LRMDA: variants seen among roughly 807,000 people sequenced by gnomAD.
The protein encoded by LRMDA is leucine-rich melanocyte differentiation-associated protein.
A neutral mutation model predicts 29.8 loss-of-function variants in LRMDA; 18 were observed. That is an observed-to-expected ratio of 0.60 (90% CI 0.42 to 0.90). The LOEUF is 0.90. LRMDA is among the 40% of genes least tolerant of loss of function. LRMDA has a pLI of 0.00. For synonymous variants in LRMDA, 125 were observed against 109.4 expected (o/e 1.14, Z -0.89); for missense variants, 273 against 273.9 (o/e 1.00, Z 0.02).
rs187004273 is a variant in LRMDA at position 76,396,825 on chromosome 10, T to C, written c.601+72340T>C. Among the ~76,000 whole-genome samples, 58 of 152,332 alleles carry C rather than the reference T, an allele frequency of 3.8e-4. 1 individual carries two copies. Among genetic ancestry groups the C allele is most frequent in the Admixed American group, 2.0e-4 (3 of 15,302 alleles). On this transcript the variant is annotated intron_variant, in intron 6 of 6. Coordinates refer to ENST00000611255, the MANE Select transcript of LRMDA (RefSeq NM_001305581.2). The stretch of plus-strand genomic sequence containing the variant: ...CAAATGGACTGTCAGTATACATATA[T>C]ATATTTTCAAGTTTTATTGAAAATA...
rs112227856 is a variant in LRMDA, at chr10:76,019,921, A to T, written c.132-16087A>T. 2.1e-3 allele frequency among the ~76,000 whole-genome samples: 322 copies of T among 152,294 alleles called. 3 individuals carry two copies. Among genetic ancestry groups the T allele is most frequent in the African/African-American group, 7.6e-3 (315 of 41,566 alleles). On this transcript the variant is annotated intron_variant, in intron 2 of 6. Coordinates refer to ENST00000611255, the MANE Select transcript of LRMDA (RefSeq NM_001305581.2). ...CTGGGCCTGGGCTTCTGAATTTTTG[A>T]TAAGTCTCAGGAGATTCTGGTGCAG...
chr10:75,926,483 C>T (rs1846121866), intron 2 of LRMDA, among the ~76,000 whole-genome samples: 1 of 152,188 alleles, frequency 6.6e-6, no homozygotes. Flanking sequence ...AGATGGAGAC[C>T]TGCACTCCTG....
intron 6 of LRMDA, among the ~76,000 whole-genome samples, chr10:76,473,919 A>G (rs1212566365): frequency 6.6e-6 from 1 of 151,658 alleles, no homozygotes; most frequent in African/African-American, 2.4e-5. Flanking sequence ...CATTTGATCT[A>G]CAGGTTCAAC....
intron 4 of LRMDA, among the ~76,000 whole-genome samples, chr10:76,052,537 C>G (rs924008953): frequency 5.3e-5 from 8 of 151,990 alleles, no homozygotes; most frequent in Non-Finnish European, 1.0e-4. Context: ...AGTGTTGGGA[C>G]TAGAGCAGAG....
At chr10:75,905,559 G>A (rs937048716) in intron 2 of LRMDA, among the ~76,000 whole-genome samples, 35 of 151,570 alleles carry the variant, frequency 2.3e-4, no homozygotes, top group Admixed American at 2.2e-3. Context: ...AAAAGAGTCT[G>A]TCAAAATGTT....
chr10:76,415,939 G>T (rs1464488954), intron 6 of LRMDA, among the ~76,000 whole-genome samples: 1 of 152,224 alleles, frequency 6.6e-6, no homozygotes, highest in Non-Finnish European at 1.5e-5. Flanking sequence ...AAGGGGAAAT[G>T]TAAGAGTAGG....
At chr10:75,981,548 T>G (rs1382311135) in intron 2 of LRMDA, among the ~76,000 whole-genome samples, 1 of 152,172 alleles carries the variant, frequency 6.6e-6, no homozygotes, top group African/African-American at 2.4e-5. Flanking sequence ...TATCCATACA[T>G]TTTAAGCTCT....
rs556192963 is a variant in LRMDA, at chr10:76,362,183, A to G, written c.601+37698A>G. Among the ~76,000 whole-genome samples the G allele has an allele frequency of 5.3e-5, 8 of 152,306 alleles. 1 individual carries two copies. Among genetic ancestry groups the G allele is most frequent in the African/African-American group, 1.9e-4 (8 of 41,572 alleles). On this transcript the variant is annotated intron_variant, in intron 6 of 6. Transcript: ENST00000611255. Reference sequence around the variant, plus strand: ...TTTTCTTCCTTTCAAAAACTGACAAAGGTTATCCACGGGCTAGTGAATAAA... The same window carrying G: ...TTTTCTTCCTTTCAAAAACTGACAAGGGTTATCCACGGGCTAGTGAATAAA...
chr10:76,446,676 G>T (rs556145629), intron 6 of LRMDA, among the ~76,000 whole-genome samples: 1 of 152,246 alleles, frequency 6.6e-6, no homozygotes, highest in South Asian at 2.1e-4. Flanking sequence ...CTATGTAATT[G>T]TGTGATTCCT....
At chr10:75,436,807 G>A (rs376655158) in intron 1 of LRMDA, among the ~76,000 whole-genome samples, 4 of 152,106 alleles carry the variant, frequency 2.6e-5, no homozygotes, top group South Asian at 4.1e-4. Context: ...GAGGGAAATC[G>A]AAGTCCCCAG....
intron 5 of LRMDA, among the ~76,000 whole-genome samples, chr10:76,061,792 G>A (rs1170771156): frequency 6.6e-6 from 1 of 152,174 alleles, no homozygotes; most frequent in Non-Finnish European, 1.5e-5. Flanking sequence ...AAGTGCCCAG[G>A]ACGATTCTTC....
chr10:75,572,949 A>G (rs753394684), intron 2 of LRMDA, among the ~76,000 whole-genome samples: 10 of 152,224 alleles, frequency 6.6e-5, no homozygotes, highest in Admixed American at 3.3e-4. Context: ...GCCATCTACA[A>G]TCCAAGAGCC....
chr10:75,622,969 C>T (rs1382948593), intron 2 of LRMDA, among the ~76,000 whole-genome samples: 1 of 152,108 alleles, frequency 6.6e-6, no homozygotes, highest in East Asian at 1.9e-4. Context: ...TTTTGTTATA[C>T]AGTACCCATA....
At chr10:76,537,061 A>G (rs1843299204) in intron 6 of LRMDA, among the ~76,000 whole-genome samples, 1 of 152,242 alleles carries the variant, frequency 6.6e-6, no homozygotes, top group Non-Finnish European at 1.5e-5. Context: ...AAAAAATCAA[A>G]TGTATCAAAT....
At chr10:75,888,279 T>G (rs564357237) in intron 2 of LRMDA, among the ~76,000 whole-genome samples, 32 of 152,328 alleles carry the variant, frequency 2.1e-4, no homozygotes, top group South Asian at 1.5e-3. Context: ...CTTGACACTC[T>G]CCGCGTATGA....
chr10:76,213,061 A>G (rs1225222821), intron 5 of LRMDA, among the ~76,000 whole-genome samples: 1 of 152,196 alleles, frequency 6.6e-6, no homozygotes, highest in African/African-American at 2.4e-5. Flanking sequence ...CACCCCAAAA[A>G]CGCATCCCAA....
At chr10:76,010,574 A>T (rs934137337) in intron 2 of LRMDA, among the ~76,000 whole-genome samples, 4 of 152,154 alleles carry the variant, frequency 2.6e-5, no homozygotes, top group Admixed American at 2.6e-4. Flanking sequence ...GGCCTCCCAA[A>T]GTGCTGGGAT....
intron 2 of LRMDA, chr10:75,552,508 C>T (rs373746623): frequency 8.4e-6 from 4 of 478,064 alleles, no homozygotes; most frequent in Non-Finnish European, 1.8e-5. Flanking sequence ...GCCATCCACC[C>T]CATCATAGTA....
intron 5 of LRMDA, among the ~76,000 whole-genome samples, chr10:76,252,767 T>C (rs1331261896): frequency 6.6e-6 from 1 of 152,224 alleles, no homozygotes; most frequent in East Asian, 1.9e-4. Flanking sequence ...TACCTTTTGG[T>C]AATTAGCAGA....
Sources: allele counts gnomAD v4.1 joint callset (sites outside exome capture counted in the v4.1 genomes callset), GRCh38; gene constraint gnomAD v4.1.1; transcripts MANE v1.5; gene names NCBI Gene and HGNC (gene_info 2026-07-23, HGNC 2026-07-21).